The following UNC79 variants were observed in gnomAD, a reference collection of about 807,000 sequenced individuals.
The protein encoded by UNC79 is unc-79 subunit of NALCN channel complex.
In UNC79, 37 loss-of-function variants were observed where a neutral mutation model predicts 283.1. That is an observed-to-expected ratio of 0.13 (90% CI 0.10 to 0.17). The LOEUF (loss-of-function observed/expected upper bound fraction) is 0.17. Ranked by LOEUF, UNC79 falls within the 10% of genes least tolerant of loss-of-function variation. The pLI, the probability that UNC79 is intolerant of heterozygous loss-of-function variation, is 1.00. For synonymous variants in UNC79, 1,107 were observed against 1,200.2 expected (o/e 0.92, Z 1.61); for missense variants, 2,272 against 3,211.1 (o/e 0.71, Z 7.07).
chr14:93,595,696 C>A (rs1467017464), intron 23 of UNC79, among the ~76,000 whole-genome samples: 1 of 152,156 alleles, frequency 6.6e-6, no homozygotes, highest in Admixed American at 6.5e-5. Flanking sequence ...TTCTAGGTCC[C>A]CCCTGTGGAG....
intron 14 of UNC79, among the ~76,000 whole-genome samples, chr14:93,554,172 A>G (rs2062036950): frequency 6.6e-6 from 1 of 152,010 alleles, no homozygotes; most frequent in Non-Finnish European, 1.5e-5. Context: ...ACACAGTGTA[A>G]CCCCATCTCC....
chr14:93,510,551 A>T (rs1045026281), intron 7 of UNC79, among the ~76,000 whole-genome samples: 3 of 152,194 alleles, frequency 2.0e-5, no homozygotes, highest in Non-Finnish European at 4.4e-5. Context: ...CTTCTGACAG[A>T]TACCTTAAAT....
At chr14:93,662,877 AACACAC>A (rs35000706) in intron 40 of UNC79, among the ~76,000 whole-genome samples, 163 bp downstream of exon 43, 48 of 148,594 alleles carry the variant, frequency 3.2e-4, no homozygotes, top group African/African-American at 1.0e-3. Flanking sequence ...AAACACTTTA[AACACAC>A]ACACACACAC....
chr14:93,705,347 CAAAAAAAAA>C (rs71129656), intron 48 of UNC79, among the ~76,000 whole-genome samples: 4 of 87,526 alleles, frequency 4.6e-5, no homozygotes, highest in Non-Finnish European at 8.7e-5. Context: ...CCCAGTCTCT[CAAAAAAAAA>C]AAAAAAAAAA....
upstream of UNC79, among the ~76,000 whole-genome samples, chr14:93,429,127 AC>A (rs1211272697): frequency 3.9e-5 from 6 of 152,132 alleles, no homozygotes; most frequent in African/African-American, 1.4e-4. Flanking sequence ...TTTCTGAATA[AC>A]CCATTGAGCT....
chr14:93,620,628 C>CT (rs1424428080), intron 29 of UNC79, among the ~76,000 whole-genome samples: 1 of 152,204 alleles, frequency 6.6e-6, no homozygotes, highest in Non-Finnish European at 1.5e-5. Flanking sequence ...CAAAAAGGCG[C>CT]TATTGGACTC....
chr14:93,676,478 G>C (rs1428435443), intron 41 of UNC79, among the ~76,000 whole-genome samples: 1 of 152,220 alleles, frequency 6.6e-6, no homozygotes, highest in Non-Finnish European at 1.5e-5. Context: ...ACTGTGTCTG[G>C]AGGTCACTTG....
At chr14:93,461,655 C>T (rs148841990) in intron 1 of UNC79, among the ~76,000 whole-genome samples, 57 of 152,306 alleles carry the variant, frequency 3.7e-4, no homozygotes, top group African/African-American at 1.3e-3. Flanking sequence ...ACTTAATAGG[C>T]ACCGAGGGTA....
intron 22 of UNC79, among the ~76,000 whole-genome samples, chr14:93,587,354 A>G (rs971836998): frequency 6.6e-6 from 1 of 152,218 alleles, no homozygotes; most frequent in South Asian, 2.1e-4. Context: ...TTTGAAAATT[A>G]TAATAAAACG....
intron 1 of UNC79, among the ~76,000 whole-genome samples, chr14:93,337,328 C>T (rs934543629): frequency 2.0e-5 from 3 of 152,234 alleles, no homozygotes; most frequent in Non-Finnish European, 4.4e-5. Context: ...AGTTTGTTTC[C>T]CCTCCAGTTG....
intron 33 of UNC79, among the ~76,000 whole-genome samples, chr14:93,642,046 C>CGTAAT (rs897963573): frequency 1.3e-5 from 2 of 151,878 alleles, no homozygotes; most frequent in African/African-American, 4.8e-5. Context: ...GTCAATTAAA[C>CGTAAT]GTCTTTCCTT....
At chr14:93,379,045 A>G (rs776560585) in intron 1 of UNC79, among the ~76,000 whole-genome samples, 3 of 152,196 alleles carry the variant, frequency 2.0e-5, no homozygotes, top group Non-Finnish European at 2.9e-5. Flanking sequence ...GCAAAAGAGT[A>G]TAAGAGAGTC....
intron 16 of UNC79, among the ~76,000 whole-genome samples, chr14:93,573,865 C>T (rs570996019): frequency 2.6e-5 from 4 of 152,166 alleles, no homozygotes; most frequent in South Asian, 2.1e-4. Context: ...ATTAGCTGGT[C>T]GTGGTGACGC....
At chr14:93,541,459 T>G (rs1567079580) in intron 13 of UNC79, among the ~76,000 whole-genome samples, 2 of 152,196 alleles carry the variant, frequency 1.3e-5, no homozygotes, top group African/African-American at 4.8e-5. Context: ...AGACATTAAT[T>G]CAGTCTCCAT....
chr14:93,457,959 T>C (rs1030809742), intron 1 of UNC79, among the ~76,000 whole-genome samples: 1 of 152,222 alleles, frequency 6.6e-6, no homozygotes, highest in Non-Finnish European at 1.5e-5. Context: ...GGAGGATGTC[T>C]GATTCCTTAT....
intron 1 of UNC79, among the ~76,000 whole-genome samples, chr14:93,377,732 A>C (rs2139981086): frequency 6.6e-6 from 1 of 152,316 alleles, no homozygotes; most frequent in South Asian, 2.1e-4. Flanking sequence ...GGAAAGGGGT[A>C]ATCTACTCAT....
At chr14:93,538,084 G>A in exon 12 of UNC79, 1 of 1,614,208 alleles carries the variant, frequency 6.2e-7, no homozygotes. Context: ...ACTGCAAGAG[G>A]TGCCACTCAA....
chr14:93,414,589 A>G (rs1257112314), intron 1 of UNC79, among the ~76,000 whole-genome samples: 2 of 152,052 alleles, frequency 1.3e-5, no homozygotes, highest in Non-Finnish European at 2.9e-5. Flanking sequence ...CTTGATGGGG[A>G]TGGCATTGAA....
At chr14:93,376,287 A>T (rs2054556677) in intron 1 of UNC79, among the ~76,000 whole-genome samples, 1 of 152,232 alleles carries the variant, frequency 6.6e-6, no homozygotes, top group Non-Finnish European at 1.5e-5. Context: ...TTTGGGGAAG[A>T]ACAGAACTAT....
Sources: allele counts gnomAD v4.1 joint callset (sites outside exome capture counted in the v4.1 genomes callset), GRCh38; gene constraint gnomAD v4.1.1; transcripts MANE v1.5; gene names NCBI Gene and HGNC (gene_info 2026-07-23, HGNC 2026-07-21).